The following ATRX variants were observed in gnomAD, a reference collection of about 807,000 sequenced individuals.
The protein encoded by ATRX is chromatin remodeler ATRX.
ATRX carries 12 observed loss-of-function variants against 172.6 expected under a neutral mutation model. The ratio of observed to expected loss-of-function variants is 0.07; its 90% confidence interval spans 0.04 to 0.11. The LOEUF (loss-of-function observed/expected upper bound fraction) is 0.11. Ranked by LOEUF, ATRX falls within the 10% of genes least tolerant of loss-of-function variation. The pLI, the probability that ATRX is intolerant of heterozygous loss-of-function variation, is 1.00. For missense variants in ATRX, 1,368 were observed against 1,767.4 expected, an observed-to-expected ratio of 0.77 and a Z score of 4.05; for synonymous variants, 674 against 594.7, an observed-to-expected ratio of 1.13 and a Z score of -1.94.
At chrX:77,604,822 A>T (rs1340470497) in intron 22 of ATRX, among the ~76,000 whole-genome samples, 1 of 112,583 alleles carries the variant, frequency 8.9e-6, no homozygotes, top group African/African-American at 3.2e-5. Flanking sequence ...TTGGCCACAA[A>T]AAAGAACAAA....
chrX:77,640,817 C>A (rs1215488235), intron 15 of ATRX, among the ~76,000 whole-genome samples: 1 of 111,382 alleles, frequency 9.0e-6, no homozygotes, highest in Non-Finnish European at 1.9e-5. Context: ...AAGAGCTACA[C>A]AAAAAGAACT....
chrX:77,725,949 C>T (rs782743489), intron 1 of ATRX, among the ~76,000 whole-genome samples: 36 of 111,737 alleles, frequency 3.2e-4, no homozygotes, highest in African/African-American at 1.1e-3. Flanking sequence ...GTTAGAATGG[C>T]GATCATTAAA....
rs781817621 is a variant in ATRX, at chrX:77,600,864, T to C, written c.5567-300A>G. ...AATAAATACCTAAAATTCTGAAGTA[T>C]TGATAAACATAAATGATTTTGAGGT... On this transcript the variant is annotated intron_variant, in intron 22 of 34. Transcript: ENST00000373344. 1.9e-4 allele frequency: 39 copies of C among 206,687 alleles called. No homozygotes were observed. The South Asian group carries it at 2.5e-3, about 13-fold the overall frequency. 17.0% of individuals were successfully genotyped at this position (206,687 alleles called of 1,213,427 possible). A position where few individuals can be genotyped will look rare whatever the true frequency, so the allele number is the denominator to read the frequency against.
intron 30 of ATRX, among the ~76,000 whole-genome samples, chrX:77,540,734 T>C (rs542511839): frequency 2.7e-5 from 3 of 111,393 alleles, no homozygotes; most frequent in African/African-American, 9.8e-5. Flanking sequence ...AATAACAAAA[T>C]TAAGGCAGAA....
intron 1 of ATRX, among the ~76,000 whole-genome samples, chrX:77,768,489 G>T (rs782436679): frequency 3.7e-4 from 42 of 112,224 alleles, no homozygotes; most frequent in African/African-American, 1.3e-3. Flanking sequence ...TTTTAGTACA[G>T]AAATTATCCT....
chrX:77,727,086 G>T (rs782606531), intron 1 of ATRX, among the ~76,000 whole-genome samples: 1 of 111,314 alleles, frequency 9.0e-6, no homozygotes, highest in Non-Finnish European at 1.9e-5. Flanking sequence ...AAACAGCTCA[G>T]CATCACTGGT....
At chrX:77,589,127 A>T (rs1039972046) in intron 27 of ATRX, among the ~76,000 whole-genome samples, 2 of 112,329 alleles carry the variant, frequency 1.8e-5, no homozygotes, top group African/African-American at 6.5e-5. Flanking sequence ...TATTCACAAC[A>T]GCTGAAAGGT....
At chrX:77,677,349 T>C (rs1230508294) in intron 9 of ATRX, among the ~76,000 whole-genome samples, 1 of 111,593 alleles carries the variant, frequency 9.0e-6, no homozygotes, top group Non-Finnish European at 1.9e-5. Flanking sequence ...TGATTCCATT[T>C]CAAAATAGCA....
At chrX:77,586,806 C>G (rs2066043411) in intron 27 of ATRX, among the ~76,000 whole-genome samples, 1 of 111,618 alleles carries the variant, frequency 9.0e-6, no homozygotes, top group African/African-American at 3.3e-5. Context: ...CGCCTGTAAT[C>G]CCAGTGCTTT....
chrX:77,676,689 T>G (rs1443174873), intron 9 of ATRX, among the ~76,000 whole-genome samples: 1 of 112,584 alleles, frequency 8.9e-6, no homozygotes, highest in Non-Finnish European at 1.9e-5. Flanking sequence ...AAAACAGTAT[T>G]AATATTTTGG....
chrX:77,738,909 C>T (rs782223580), intron 1 of ATRX, among the ~76,000 whole-genome samples: 1 of 111,717 alleles, frequency 9.0e-6, no homozygotes, highest in East Asian at 2.8e-4. Flanking sequence ...CATAAAAGCA[C>T]TTTCAGGTAA....
chrX:77,596,231 C>T (rs2066459684), intron 25 of ATRX: 1 of 111,076 alleles, frequency 9.0e-6, no homozygotes. Flanking sequence ...CATTGTTAAC[C>T]CTTTAATACT....
intron 15 of ATRX, among the ~76,000 whole-genome samples, chrX:77,647,059 A>T (rs1460432170): frequency 8.9e-6 from 1 of 111,893 alleles, no homozygotes; most frequent in Non-Finnish European, 1.9e-5. Context: ...GCCTTAATAA[A>T]TATAAAGAGA....
intron 2 of ATRX, among the ~76,000 whole-genome samples, chrX:77,716,250 G>A (rs2073392321): frequency 1.3e-5 from 1 of 75,645 alleles, no homozygotes; most frequent in Non-Finnish European, 2.3e-5. Flanking sequence ...AGTGAGCTAT[G>A]ATTACACCAC....
chrX:77,734,978 G>C (rs2074476421), intron 1 of ATRX, among the ~76,000 whole-genome samples: 1 of 107,634 alleles, frequency 9.3e-6, no homozygotes, highest in South Asian at 4.1e-4. Flanking sequence ...TGTAATCCCA[G>C]CTACTCGGGA....
chrX:77,683,028 C>G lies in ATRX; in HGVS notation c.2228G>C (p.Arg743Thr). 1.7e-6 allele frequency: 2 copies of G among 1,210,276 alleles called. No individual in the cohort carries two copies. The change falls in exon 9 of 35, where the codon AGG becomes ACG. Residue 743 changes from arginine to threonine, a missense_variant. Arg to Thr is a moderately conservative substitution (Grantham distance 71). Around this residue, in one of 17 missense-constraint regions of ATRX, gnomAD observed 843 missense variants for 643.1 expected, o/e 1.31. Coordinates refer to ENST00000373344, the MANE Select transcript of ATRX (RefSeq NM_000489.6). ...EMLAILKEVS[R>T]MSHSSSSDTD... ...ATCTGAAGAAGAACTGTGACTCATC[C>G]TGCTCACCTCTTTGAGGATTGCTAG... is the stretch of plus-strand genomic sequence containing the variant.
chrX:77,663,970 G>C (rs1219586053), intron 11 of ATRX, among the ~76,000 whole-genome samples: 1 of 109,772 alleles, frequency 9.1e-6, no homozygotes, highest in Non-Finnish European at 1.9e-5. Context: ...GTGTGGTGGC[G>C]CATGCCTATA....
intron 1 of ATRX, among the ~76,000 whole-genome samples, chrX:77,731,086 A>G (rs782636142): frequency 2.0e-5 from 2 of 102,454 alleles, no homozygotes; most frequent in South Asian, 4.1e-4. Context: ...TGGCCAGAGT[A>G]AAAAAAAAAA....
At chrX:77,578,576 C>T (rs2065712889) in intron 27 of ATRX, among the ~76,000 whole-genome samples, 1 of 112,059 alleles carries the variant, frequency 8.9e-6, no homozygotes, top group African/African-American at 3.2e-5. Flanking sequence ...GGGACCCAGT[C>T]ATGGCAGGAT....
Sources: allele counts gnomAD v4.1 joint callset (sites outside exome capture counted in the v4.1 genomes callset), GRCh38; gene constraint gnomAD v4.1.1; regional missense constraint gnomAD v4.1.1; transcripts MANE v1.5; gene names NCBI Gene and HGNC (gene_info 2026-07-23, HGNC 2026-07-21).